NDUFA2: variants seen among roughly 807,000 people sequenced by gnomAD.
The protein encoded by NDUFA2 is NADH dehydrogenase [ubiquinone] 1 alpha subcomplex subunit 2.
A neutral mutation model predicts 11.4 loss-of-function variants in NDUFA2; 9 were observed. That is an observed-to-expected ratio of 0.79 (90% CI 0.48 to 1.38). The LOEUF (loss-of-function observed/expected upper bound fraction) is 1.38, where lower values mean the gene tolerates loss of function less well. Among genes scored for constraint, NDUFA2 ranks in the 40% most tolerant of loss-of-function variants. The pLI is 0.00. For synonymous variants in NDUFA2, 49 were observed against 54.0 expected, an observed-to-expected ratio of 0.91 and a Z score of 0.41; for missense variants, 150 against 131.2, an observed-to-expected ratio of 1.14 and a Z score of -0.70.
Position 140,645,353 on chromosome 5 carries a change from C to T in NDUFA2, c.*234G>A, listed in dbSNP as rs1757334930. ...CCCCCGCCACCCTTCATGTTTGCTT[C>T]AGCAGCTGGTAGCTTTTGATGAGAC... On this transcript the variant is annotated 3_prime_UTR_variant, in exon 3 of 3. Coordinates refer to ENST00000252102, the MANE Select transcript of NDUFA2 (RefSeq NM_002488.5). 2 of 756,302 alleles carry T rather than the reference C, an allele frequency of 2.6e-6. No individual in the cohort carries two copies. The highest frequency in any genetic ancestry group is 1.5e-5 in the South Asian group (1 of 67,424). The allele number at this position is 756,302 out of a possible 1,614,324, so 46.8% of individuals were successfully genotyped here. A position where few individuals can be genotyped will look rare whatever the true frequency, so the allele number is the denominator to read the frequency against.
At chr5:140,646,680 G>A (rs929465513) in intron 2 of NDUFA2, among the ~76,000 whole-genome samples, 1 of 152,168 alleles carries the variant, frequency 6.6e-6, no homozygotes, top group Admixed American at 6.5e-5. Context: ...CAGTCTTAGA[G>A]GGGTAAGTGC....
intron 2 of NDUFA2, among the ~76,000 whole-genome samples, chr5:140,646,371 A>C (rs899545991): frequency 2.6e-5 from 4 of 151,932 alleles, no homozygotes; most frequent in African/African-American, 9.7e-5. Flanking sequence ...CAATACACTA[A>C]AGTTACTCGT....
chr5:140,647,613 G>A lies in NDUFA2; in HGVS notation c.-30C>T, dbSNP rs1324001162. The A allele has an allele frequency of 6.2e-7, 1 of 1,603,698 alleles. No homozygotes were observed. The highest frequency in any genetic ancestry group is 1.7e-4 in the Middle Eastern group (1 of 6,052). On this transcript the variant is annotated 5_prime_UTR_variant, in exon 1 of 3. Transcript: ENST00000252102. Reference sequence around the variant, plus strand: ...GTTAATATCGAAGTCGCCAATTCCAGGTCTTCAGGCCAAGTGCTCCGGTCT... The same window carrying A: ...GTTAATATCGAAGTCGCCAATTCCAAGTCTTCAGGCCAAGTGCTCCGGTCT...
In NDUFA2 at chr5:140,647,353, A is replaced by G; in HGVS notation, c.111T>C (p.Ile37=). Residue 37 remains isoleucine, a synonymous_variant, in exon 2 of 3, where the codon ATT becomes ATC. Coordinates refer to ENST00000252102, the MANE Select transcript of NDUFA2 (RefSeq NM_002488.5). ...TCTTCAGCTCCACGTAGCGTTTCTC[A>G]ATGAAGTCCCTGCGGGGCCGGAGAG... ...SPGSQGVRDF[I]EKRYVELKKA... 6.2e-7 allele frequency: 1 copy of G among 1,609,716 alleles called. No individual in the cohort carries two copies. Among genetic ancestry groups the G allele is most frequent in the Non-Finnish European group, 8.5e-7 (1 of 1,176,964 alleles).
intron 2 of NDUFA2, 58 bp downstream of exon 2, chr5:140,647,193 CCTTCT>C (rs2149802770): frequency 6.7e-7 from 1 of 1,495,054 alleles, no homozygotes. Context: ...TTGGGCGGTC[CCTTCT>C]CTTCTCAAAC....
Position 140,647,609 on chromosome 5 carries a change from T to C in NDUFA2, c.-26A>G, listed in dbSNP as rs947633020. On this transcript the variant is annotated 5_prime_UTR_variant, in exon 1 of 3. Transcript: ENST00000252102. ...CCTTGTTAATATCGAAGTCGCCAAT[T>C]CCAGGTCTTCAGGCCAAGTGCTCCG... 6.2e-7 allele frequency: 1 copy of C among 1,604,856 alleles called. No homozygotes were observed. The highest frequency in any genetic ancestry group is 8.5e-7 in the Non-Finnish European group (1 of 1,178,586).
In NDUFA2 at chr5:140,645,447, G is replaced by T; in HGVS notation, c.*140C>A. On this transcript the variant is annotated 3_prime_UTR_variant, in exon 3 of 3. Coordinates refer to ENST00000252102, the MANE Select transcript of NDUFA2 (RefSeq NM_002488.5). ...GTTGCACAGTAAGGGGTAGAGGGTA[G>T]ATGAGGACAAGAACACCCTGAGAAA... 1 of 1,110,402 alleles carries T rather than the reference G, an allele frequency of 9.0e-7. No homozygotes were observed. Among genetic ancestry groups the T allele is most frequent in the Non-Finnish European group, 1.3e-6 (1 of 751,874 alleles). The allele number at this position is 1,110,402 out of a possible 1,614,324, so 68.8% of individuals were successfully genotyped here.
In NDUFA2 at chr5:140,645,607, C is replaced by T. The variant is rs142478462; in HGVS notation, c.280G>A (p.Val94Ile). The T allele has an allele frequency of 1.8e-4, 290 of 1,614,050 alleles. No individual in the cohort carries two copies. The highest frequency in any genetic ancestry group is 3.3e-4 in the Middle Eastern group (2 of 6,084). Reference sequence around the variant, plus strand: ...AGGCTTCAGGCTTTACCACTTAGAACGTTCTCCAGGGCTCTGGTTACCTGA... The same window carrying T: ...AGGCTTCAGGCTTTACCACTTAGAATGTTCTCCAGGGCTCTGGTTACCTGA... ...ADQVTRALEN[V>I]LSGKA The change falls in exon 3 of 3, where the codon GTT (valine) becomes ATT (isoleucine). Residue 94 changes from valine (V) to isoleucine (I), a missense_variant. Transcript: ENST00000252102.
In NDUFA2 at chr5:140,645,624, G is replaced by A. The variant is rs770744960; in HGVS notation, c.263C>T (p.Thr88Ile). The part of the protein sequence containing the change: ...PLNNFSADQV[T>I]RALENVLSGK... ...ACTTAGAACGTTCTCCAGGGCTCTG[G>A]TTACCTGATCAGCACTGAAGTTGTT... The change falls in exon 3 of 3, where the codon ACC becomes ATC. Residue 88 changes from threonine to isoleucine, a missense_variant. Physicochemically the swap from Thr to Ile is moderately conservative, Grantham distance 89. Transcript: ENST00000252102. 9 of 1,614,162 alleles carry A rather than the reference G, an allele frequency of 5.6e-6. No homozygotes were observed. The highest frequency in any genetic ancestry group is 6.8e-6 in the Non-Finnish European group (8 of 1,180,044).
chr5:140,647,144 A>AGT, intron 2 of NDUFA2, 112 bp downstream of exon 2: 1 of 1,165,150 alleles, frequency 8.6e-7, no homozygotes, highest in Non-Finnish European at 1.2e-6. Context: ...GCAAGGCTAA[A>AGT]GTCCGAGTTC....
chr5:140,645,463 C>T lies in NDUFA2; in HGVS notation c.*124G>A. 7.7e-7 allele frequency: 1 copy of T among 1,292,298 alleles called. No homozygotes were observed. Among genetic ancestry groups the T allele is most frequent in the Non-Finnish European group, 1.1e-6 (1 of 912,054 alleles). The allele number at this position is 1,292,298 out of a possible 1,614,324, so 80.1% of individuals were successfully genotyped here. A position where few individuals can be genotyped will look rare whatever the true frequency, so the allele number is the denominator to read the frequency against. Reference sequence around the variant, plus strand: ...TAGAGGGTAGATGAGGACAAGAACACCCTGAGAAAGTATTTTACAGCACAA... The same window carrying T: ...TAGAGGGTAGATGAGGACAAGAACATCCTGAGAAAGTATTTTACAGCACAA... On this transcript the variant is annotated 3_prime_UTR_variant, in exon 3 of 3. Coordinates refer to ENST00000252102, the MANE Select transcript of NDUFA2 (RefSeq NM_002488.5).
intron 2 of NDUFA2, among the ~76,000 whole-genome samples, chr5:140,646,001 TTC>T (rs1416758796): frequency 2.7e-5 from 4 of 146,468 alleles, no homozygotes; most frequent in South Asian, 2.2e-4. Context: ...TGGGAGCCCA[TTC>T]TCTCTCTTTT....
rs1757341079 is a variant in NDUFA2 at position 140,645,474 on chromosome 5, T to C, written c.*113A>G. 7.2e-7 allele frequency: 1 copy of C among 1,392,376 alleles called. No homozygotes were observed. Among genetic ancestry groups the C allele is most frequent in the Non-Finnish European group, 1.0e-6 (1 of 997,918 alleles). The allele number at this position is 1,392,376 out of a possible 1,614,324, so 86.3% of individuals were successfully genotyped here. A position where few individuals can be genotyped will look rare whatever the true frequency, so the allele number is the denominator to read the frequency against. On this transcript the variant is annotated 3_prime_UTR_variant, in exon 3 of 3. Transcript: ENST00000252102. ...TGAGGACAAGAACACCCTGAGAAAG[T>C]ATTTTACAGCACAAGCTTTATGAGG...
intron 2 of NDUFA2, 125 bp from the exon 3 acceptor site, chr5:140,645,803 A>C: frequency 6.8e-7 from 1 of 1,477,114 alleles, no homozygotes; most frequent in East Asian, 2.4e-5. Flanking sequence ...AGATATGATC[A>C]AAATACATTT....
intron 1 of NDUFA2, 54 bp downstream of exon 1, chr5:140,647,429 A>C (rs899047509): frequency 1.2e-6 from 2 of 1,609,312 alleles, no homozygotes; most frequent in African/African-American, 2.7e-5. Context: ...AGGGAGGTCG[A>C]GGTCGTGACC....
At position 140,647,379 on chromosome 5, in the gene NDUFA2, A is replaced by C. The variant is rs1439899682; in HGVS notation, c.102-17T>G. 6.2e-7 allele frequency: 1 copy of C among 1,611,048 alleles called. No individual in the cohort carries two copies. Among genetic ancestry groups the C allele is most frequent in the East Asian group, 2.2e-5 (1 of 44,784 alleles). ...ATGAAGTCCCTGCGGGGCCGGAGAG[A>C]GCGCCGCGCGTGCTGTGGGCGGGGG... is the stretch of plus-strand genomic sequence containing the variant. On this transcript the variant is annotated splice_polypyrimidine_tract_variant and intron_variant, in intron 1 of 2. Coordinates refer to ENST00000252102, the MANE Select transcript of NDUFA2 (RefSeq NM_002488.5).
At chr5:140,646,073 C>G (rs187285607) in intron 2 of NDUFA2, among the ~76,000 whole-genome samples, 85 of 149,642 alleles carry the variant, frequency 5.7e-4, no homozygotes, top group African/African-American at 1.0e-3. Context: ...TGTGGTGGCA[C>G]GATCTCCACT....
chr5:140,646,238 T>G (rs1401613448), intron 2 of NDUFA2, among the ~76,000 whole-genome samples: 1 of 152,160 alleles, frequency 6.6e-6, no homozygotes, highest in East Asian at 1.9e-4. Context: ...CTTGAACTCC[T>G]GACCTCAGGT....
At chr5:140,647,419 AG>A (rs1395170898) in intron 1 of NDUFA2, 57 bp from the exon 2 acceptor site, 1 of 1,610,060 alleles carries the variant, frequency 6.2e-7, no homozygotes, top group African/African-American at 1.3e-5. Flanking sequence ...CCTCAACTTC[AG>A]GGAGGTCGAG....
Sources: allele counts gnomAD v4.1 joint callset (sites outside exome capture counted in the v4.1 genomes callset), GRCh38; gene constraint gnomAD v4.1.1; transcripts MANE v1.5; gene names NCBI Gene and HGNC (gene_info 2026-07-23, HGNC 2026-07-21).